The following ITGA9 variants were observed in gnomAD, a reference collection of about 807,000 sequenced individuals.
ITGA9 encodes integrin subunit alpha 9, also known as integrin alpha-9.
A neutral mutation model predicts 127.8 loss-of-function variants in ITGA9; 56 were observed. The ratio of observed to expected loss-of-function variants is 0.44; its 90% CI spans 0.35 to 0.55. The LOEUF is 0.55. Among genes scored for constraint, ITGA9 ranks in the 20% least tolerant of loss-of-function variants. The pLI is 0.00. For missense variants in ITGA9, 1,196 were observed against 1,347.1 expected, an observed-to-expected ratio of 0.89 and a Z score of 1.76; for synonymous variants, 508 against 514.5, an observed-to-expected ratio of 0.99 and a Z score of 0.17.
At chr3:37,556,913 C>T (rs890615617) in intron 15 of ITGA9, among the ~76,000 whole-genome samples, 6 of 152,146 alleles carry the variant, frequency 3.9e-5, no homozygotes, top group Non-Finnish European at 5.9e-5. Flanking sequence ...CGCCAGCCCA[C>T]GCTGATGTGT....
intron 4 of ITGA9, among the ~76,000 whole-genome samples, chr3:37,484,261 G>A (rs1425648695): frequency 6.6e-6 from 1 of 152,190 alleles, no homozygotes; most frequent in Non-Finnish European, 1.5e-5. Context: ...GGACTAAATT[G>A]AAAGTTTCTG....
chr3:37,625,897 C>T (rs1445021852), intron 15 of ITGA9, among the ~76,000 whole-genome samples: 1 of 152,200 alleles, frequency 6.6e-6, no homozygotes, highest in African/African-American at 2.4e-5. Context: ...GTTTGGGTCC[C>T]TTCTGCCCAG....
At chr3:37,660,099 G>A (rs769663375) in intron 17 of ITGA9, among the ~76,000 whole-genome samples, 1 of 152,028 alleles carries the variant, frequency 6.6e-6, no homozygotes, top group Admixed American at 6.6e-5. Flanking sequence ...AATAGCACAC[G>A]TTTTGCCAAG....
At chr3:37,672,635 A>G (rs1575187743) in intron 17 of ITGA9, among the ~76,000 whole-genome samples, 2 of 152,192 alleles carry the variant, frequency 1.3e-5, no homozygotes, top group Non-Finnish European at 2.9e-5. Flanking sequence ...AAAGCGTATC[A>G]TAGGGGATGT....
At chr3:37,585,376 AT>A (rs1341724929) in intron 15 of ITGA9, among the ~76,000 whole-genome samples, 1 of 152,148 alleles carries the variant, frequency 6.6e-6, no homozygotes, top group Non-Finnish European at 1.5e-5. Flanking sequence ...TGAAGAGCCC[AT>A]GGAATGTCAG....
At chr3:37,608,244 T>A (rs761564459) in intron 15 of ITGA9, among the ~76,000 whole-genome samples, 2 of 152,230 alleles carry the variant, frequency 1.3e-5, no homozygotes, top group Non-Finnish European at 2.9e-5. Flanking sequence ...AACATTTATG[T>A]TTCCCTTTCC....
At chr3:37,695,414 A>G (rs762784860) in intron 18 of ITGA9, among the ~76,000 whole-genome samples, 2 of 152,204 alleles carry the variant, frequency 1.3e-5, no homozygotes, top group Non-Finnish European at 2.9e-5. Flanking sequence ...TTACAAGCAT[A>G]TTGACAAAAG....
At chr3:37,589,596 T>C (rs1478771939) in intron 15 of ITGA9, among the ~76,000 whole-genome samples, 2 of 152,080 alleles carry the variant, frequency 1.3e-5, no homozygotes, top group African/African-American at 4.8e-5. Context: ...GTAGGCCTCA[T>C]GAAAGAGGTT....
rs1287901566 is a variant in ITGA9 at position 37,472,644 on chromosome 3, C to T, written c.314-710C>T. 2.0e-5 allele frequency among the ~76,000 whole-genome samples: 3 copies of T among 152,170 alleles called. No homozygotes were observed. In the East Asian group the frequency reaches 5.8e-4, roughly 29 times the overall value. ...CTTCTGGCCTCAAGTGAACCGCCCA[C>T]CTCAGCCTCCCAAAGTGCTGGGATT... On this transcript the variant is annotated intron_variant, in intron 2 of 27. Transcript: ENST00000264741.
chr3:37,713,926 G>C (rs183584045), intron 18 of ITGA9, among the ~76,000 whole-genome samples: 58 of 152,318 alleles, frequency 3.8e-4, no homozygotes, highest in Non-Finnish European at 7.6e-4. Context: ...GGTTTAAAAG[G>C]CTGCATGCAA....
At position 37,591,236 on chromosome 3, in the gene ITGA9, G is replaced by A. The variant is rs139585876; in HGVS notation, c.1690-37951G>A. Among the ~76,000 whole-genome samples, 98 of 152,242 alleles carry A rather than the reference G, an allele frequency of 6.4e-4. 1 individual carries two copies. The East Asian group carries it at 0.018, about 27-fold the overall frequency. On this transcript the variant is annotated intron_variant, in intron 15 of 27. Transcript: ENST00000264741. ...CTTTTCATCATGTCTGTGTGAAAACGAAAGCTATTGTTTATGTAAAAGGAC... is the reference window on the plus strand; with the variant it reads ...CTTTTCATCATGTCTGTGTGAAAACAAAAGCTATTGTTTATGTAAAAGGAC...
intron 15 of ITGA9, among the ~76,000 whole-genome samples, chr3:37,601,243 C>T (rs1699919868): frequency 6.6e-6 from 1 of 152,230 alleles, no homozygotes; most frequent in Non-Finnish European, 1.5e-5. Flanking sequence ...TCCTATTTCT[C>T]CCTCCGTGAC....
intron 23 of ITGA9, among the ~76,000 whole-genome samples, chr3:37,766,274 C>T (rs560945831): frequency 6.6e-6 from 1 of 152,354 alleles, no homozygotes; most frequent in East Asian, 1.9e-4. Context: ...TGTTGTTAGA[C>T]GCTGAGAAGT....
chr3:37,637,424 G>T (rs1336046226), intron 16 of ITGA9, among the ~76,000 whole-genome samples: 1 of 151,982 alleles, frequency 6.6e-6, no homozygotes, highest in Non-Finnish European at 1.5e-5. Flanking sequence ...TCATGATTTG[G>T]CTCTCTGTTT....
intron 20 of ITGA9, among the ~76,000 whole-genome samples, chr3:37,738,797 G>T (rs1052970919): frequency 6.6e-6 from 1 of 152,192 alleles, no homozygotes; most frequent in Admixed American, 6.5e-5. Flanking sequence ...TGTCAAAATA[G>T]AAGACACTTC....
rs528552722 is a variant in ITGA9, at chr3:37,619,858, TAGTCTCTTAGCTCAGCCTTCC to T, written c.1690-9293_1690-9273del. 6.6e-3 allele frequency among the ~76,000 whole-genome samples: 999 copies of T among 152,240 alleles called. 3 individuals are homozygous for T. The highest frequency in any genetic ancestry group is 0.024 in the Middle Eastern group (7 of 294). On this transcript the variant is annotated intron_variant, in intron 15 of 27. Transcript: ENST00000264741. ...AGCAGAAGACTCTTTTTGCTGCTTC[TAGTCTCTTAGCTCAGCCTTCC>T]AGTCTCTTAGCTCAGCCTTCCAGTC... is the stretch of plus-strand genomic sequence containing the variant.
intron 19 of ITGA9, among the ~76,000 whole-genome samples, chr3:37,734,029 C>CCCCTGGGT (rs1226179706): frequency 6.6e-6 from 1 of 152,216 alleles, no homozygotes; most frequent in Non-Finnish European, 1.5e-5. Flanking sequence ...GTGGGAGGAA[C>CCCCTGGGT]CCCTGGGTAG....
chr3:37,624,810 T>A lies in ITGA9; in HGVS notation c.1690-4377T>A, dbSNP rs908050337. On this transcript the variant is annotated intron_variant, in intron 15 of 27. Transcript: ENST00000264741. Reference sequence around the variant, plus strand: ...TTAGTAGAGATGGGGTTTCACCACGTTGGCCAGGCTGGTCTCAAACTTCTG... The same window carrying A: ...TTAGTAGAGATGGGGTTTCACCACGATGGCCAGGCTGGTCTCAAACTTCTG... 2.3e-5 allele frequency among the ~76,000 whole-genome samples: 3 copies of A among 130,336 alleles called. No homozygotes were observed. The East Asian group carries it at 7.1e-4, about 31-fold the overall frequency. The allele number at this position is 130,336 out of a possible 152,430, so 85.5% of individuals were successfully genotyped here.
At chr3:37,811,673 G>C (rs1054770408) in intron 27 of ITGA9, among the ~76,000 whole-genome samples, 1 of 152,186 alleles carries the variant, frequency 6.6e-6, no homozygotes, top group Admixed American at 6.5e-5. Flanking sequence ...CCTCACTGCT[G>C]TCAACCAAGG....
Sources: allele counts gnomAD v4.1 joint callset (sites outside exome capture counted in the v4.1 genomes callset), GRCh38; gene constraint gnomAD v4.1.1; transcripts MANE v1.5; gene names NCBI Gene and HGNC (gene_info 2026-07-23, HGNC 2026-07-21).